TINAG: variants seen among roughly 807,000 people sequenced by gnomAD.
TINAG encodes tubulointerstitial nephritis antigen.
A neutral mutation model predicts 72.7 loss-of-function variants in TINAG; 83 were observed. That is an observed-to-expected ratio of 1.14 (90% CI 0.96 to 1.37). The LOEUF is 1.37. Among genes scored for constraint, TINAG ranks in the 40% most tolerant of loss-of-function variants. The pLI, the probability that TINAG is intolerant of heterozygous loss-of-function variation, is 0.00. For synonymous variants in TINAG, 234 were observed against 189.9 expected (o/e 1.23, Z -1.91); for missense variants, 685 against 576.6 (o/e 1.19, Z -1.93).
intron 1 of TINAG, among the ~76,000 whole-genome samples, chr6:54,317,014 T>C (rs1389636346): frequency 6.6e-6 from 1 of 152,166 alleles, no homozygotes; most frequent in Non-Finnish European, 1.5e-5. Context: ...GTCAAGATGC[T>C]GTGTGTAACC....
chr6:54,326,085 C>T (rs73444705), intron 3 of TINAG, among the ~76,000 whole-genome samples: 51 of 151,722 alleles, frequency 3.4e-4, no homozygotes, highest in Non-Finnish European at 5.7e-4. Flanking sequence ...ATTTTTTATC[C>T]ACTATCATCT....
intron 8 of TINAG, 149 bp from the exon 9 acceptor site, chr6:54,354,364 T>C: frequency 1.5e-6 from 1 of 660,282 alleles, no homozygotes; most frequent in Admixed American, 3.6e-5. Context: ...ATTAATTAAG[T>C]AGGAAAGAAA....
At chr6:54,375,559 G>A (rs190276594) in intron 9 of TINAG, among the ~76,000 whole-genome samples, 2 of 152,066 alleles carry the variant, frequency 1.3e-5, no homozygotes, top group Admixed American at 6.6e-5. Flanking sequence ...CATATAAATT[G>A]GCCAACAAAT....
chr6:54,386,608 T>G (rs1764106434), intron 10 of TINAG, among the ~76,000 whole-genome samples: 1 of 151,960 alleles, frequency 6.6e-6, no homozygotes, highest in Non-Finnish European at 1.5e-5. Flanking sequence ...TCAAGACCAT[T>G]AGGAAAAACA....
At chr6:54,349,666 T>C (rs1291657887) in intron 6 of TINAG, 50 bp from the exon 7 acceptor site, 1 of 1,414,420 alleles carries the variant, frequency 7.1e-7, no homozygotes, top group Non-Finnish European at 9.5e-7. Context: ...AAAAGGATAT[T>C]ACGACATTCT....
chr6:54,323,846 C>T (rs1218655847), intron 3 of TINAG, among the ~76,000 whole-genome samples: 4 of 152,024 alleles, frequency 2.6e-5, no homozygotes, highest in Non-Finnish European at 5.9e-5. Flanking sequence ...CCCAGCTACT[C>T]GTTAGGTTGA....
intron 4 of TINAG, among the ~76,000 whole-genome samples, chr6:54,332,717 C>T (rs1784770029): frequency 1.3e-5 from 2 of 152,146 alleles, no homozygotes; most frequent in East Asian, 1.9e-4. Context: ...GCAGTCTATC[C>T]ATCTGACAAA....
In TINAG at chr6:54,355,714, CGTGTGTGTGTGT is replaced by C. The variant is rs5876379; in HGVS notation, c.1250+1099_1250+1110del. Among the ~76,000 whole-genome samples the C allele has an allele frequency of 8.5e-3, 1,239 of 145,194 alleles. 15 individuals are homozygous for C. Among genetic ancestry groups the C allele is most frequent in the Non-Finnish European group, 0.013 (833 of 65,876 alleles). On this transcript the variant is annotated intron_variant, in intron 9 of 10. Coordinates refer to ENST00000259782, the MANE Select transcript of TINAG (RefSeq NM_014464.4). Reference sequence around the variant, plus strand: ...AATCTACAAATTGGAAAAAATGTAACGTGTGTGTGTGTGTGTGTGTGTGTGTGTGTGTATTTA... The same window carrying C: ...AATCTACAAATTGGAAAAAATGTAACGTGTGTGTGTGTGTGTGTGTATTTA...
At chr6:54,349,652 T>C in intron 6 of TINAG, 64 bp from the exon 7 acceptor site, 10 of 1,334,082 alleles carry the variant, frequency 7.5e-6, no homozygotes, top group Non-Finnish European at 1.0e-5. Flanking sequence ...TAAGATTAAA[T>C]ATAAAAAGGA....
intron 1 of TINAG, among the ~76,000 whole-genome samples, chr6:54,313,865 TTAAA>T (rs1463751976): frequency 1.3e-5 from 2 of 152,202 alleles, no homozygotes; most frequent in Non-Finnish European, 2.9e-5. Context: ...TGTTTATAGT[TTAAA>T]TGTGCAATTT....
At position 54,326,823 on chromosome 6, in the gene TINAG, C is replaced by A; in HGVS notation, c.531C>A (p.Ser177Arg). The change falls in exon 4 of 11, where the codon AGC (serine) becomes AGA (arginine). Residue 177 changes from serine (S) to arginine (R), a missense_variant. Ser to Arg is a moderately radical substitution (Grantham distance 110). Transcript: ENST00000259782. ...GDYGWTAQNYSQFWGMTLEDG... is the reference protein window; with the variant it reads ...GDYGWTAQNYRQFWGMTLEDG... ...GCAGATGGACAGCACAGAATTACAG[C>A]CAATTTTGGGGAATGACTTTAGAAG... The A allele has an allele frequency of 6.2e-7, 1 of 1,610,680 alleles. No individual in the cohort carries two copies. The highest frequency in any genetic ancestry group is 8.5e-7 in the Non-Finnish European group (1 of 1,179,038).
In TINAG at chr6:54,343,160, C is replaced by T. The variant is rs545731857; in HGVS notation, c.625-66C>T. On this transcript the variant is annotated intron_variant, in intron 4 of 10. Transcript: ENST00000259782. Reference sequence around the variant, plus strand: ...AAATAATTATAACTTTATAAAAGGGCGTGACATTTTCCTATTGAGACATAT... The same window carrying T: ...AAATAATTATAACTTTATAAAAGGGTGTGACATTTTCCTATTGAGACATAT... The T allele has an allele frequency of 1.1e-4, 146 of 1,328,154 alleles. No individual in the cohort carries two copies. In the African/African-American group the frequency reaches 1.2e-3, roughly 11 times the overall value. 82.3% of individuals were successfully genotyped at this position (1,328,154 alleles called of 1,614,324 possible).
At chr6:54,349,486 A>G (rs1018111690) in intron 6 of TINAG, among the ~76,000 whole-genome samples, 3 of 152,028 alleles carry the variant, frequency 2.0e-5, no homozygotes, top group African/African-American at 7.2e-5. Flanking sequence ...ATTATTTATA[A>G]AAATTGATCA....
At chr6:54,374,748 C>A (rs967447660) in intron 9 of TINAG, among the ~76,000 whole-genome samples, 1 of 151,924 alleles carries the variant, frequency 6.6e-6, no homozygotes, top group Non-Finnish European at 1.5e-5. Context: ...GTTTCTTTAT[C>A]CTGATAGCCT....
At chr6:54,385,711 T>C (rs1485032050) in intron 10 of TINAG, among the ~76,000 whole-genome samples, 1 of 151,924 alleles carries the variant, frequency 6.6e-6, no homozygotes, top group Admixed American at 6.6e-5. Flanking sequence ...TAGGCCGATA[T>C]CTCTCATGAG....
chr6:54,325,139 G>A (rs1321231352), intron 3 of TINAG, among the ~76,000 whole-genome samples: 1 of 152,146 alleles, frequency 6.6e-6, no homozygotes. Context: ...CATCCTTCCA[G>A]ATAGAGAACT....
intron 8 of TINAG, among the ~76,000 whole-genome samples, chr6:54,353,648 A>G (rs571828605): frequency 2.4e-3 from 363 of 151,962 alleles, no homozygotes; most frequent in Middle Eastern, 6.8e-3. Flanking sequence ...TAAAAAATGA[A>G]ACAAAAACTG....
chr6:54,349,674 T>A lies in TINAG; in HGVS notation c.900-42T>A, dbSNP rs145535129. ...AAATATAAAAAGGATATTACGACATTCTCCTAAATATTACCTTTGCTTCTT... is the reference window on the plus strand; with the variant it reads ...AAATATAAAAAGGATATTACGACATACTCCTAAATATTACCTTTGCTTCTT... On this transcript the variant is annotated intron_variant, in intron 6 of 10. Coordinates refer to ENST00000259782, the MANE Select transcript of TINAG (RefSeq NM_014464.4). The A allele has an allele frequency of 1.4e-4, 196 of 1,445,372 alleles. 2 individuals are homozygous for A. In the East Asian group the frequency reaches 4.1e-3, roughly 31 times the overall value. The allele number at this position is 1,445,372 out of a possible 1,614,324, so 89.5% of individuals were successfully genotyped here. A position where few individuals can be genotyped will look rare whatever the true frequency, so the allele number is the denominator to read the frequency against.
intron 10 of TINAG, among the ~76,000 whole-genome samples, chr6:54,384,172 G>A (rs540160056): frequency 6.6e-6 from 1 of 152,160 alleles, no homozygotes; most frequent in East Asian, 1.9e-4. Flanking sequence ...ATGGACACAG[G>A]GAGGGGAACA....
Sources: gnomAD v4.1 joint callset for allele counts (sites outside exome capture counted in the v4.1 genomes callset) on GRCh38, gnomAD v4.1.1 for gene constraint, MANE v1.5 for transcripts, NCBI Gene and HGNC (gene_info 2026-07-23, HGNC 2026-07-21) for gene names.